The following STK3 variants were observed in gnomAD, a reference collection of about 807,000 sequenced individuals.
The protein encoded by STK3 is serine/threonine kinase 3.
STK3 carries 41 observed loss-of-function variants against 58.0 expected under a neutral mutation model. The ratio of observed to expected loss-of-function variants is 0.71; its 90% CI spans 0.55 to 0.92. The LOEUF is 0.92. Among genes scored for constraint, STK3 ranks in the 40% least tolerant of loss-of-function variants. The pLI is 0.00. For missense variants in STK3, 479 were observed against 602.7 expected (o/e 0.79, Z 2.15); for synonymous variants, 170 against 191.0 (o/e 0.89, Z 0.91).
rs921308691 is a variant in STK3 at position 98,667,640 on chromosome 8, A to C, written c.684+38827T>G. On this transcript the variant is annotated intron_variant, in intron 6 of 10. Transcript: ENST00000419617. ...AAAAGGCAAGTCAAAATAAGAAAAG[A>C]GAGCAAGTATAGACTCTGATAGTCT... Among the ~76,000 whole-genome samples, 91 of 152,278 alleles carry C rather than the reference A, an allele frequency of 6.0e-4. 1 individual carries two copies. The highest frequency in any genetic ancestry group is 2.0e-3 in the African/African-American group (85 of 41,590).
chr8:98,673,006 T>C (rs1271374431), intron 6 of STK3, among the ~76,000 whole-genome samples: 1 of 152,182 alleles, frequency 6.6e-6, no homozygotes, highest in Non-Finnish European at 1.5e-5. Context: ...TTTACTGACT[T>C]TGAGTGGTAT....
chr8:98,688,264 T>G (rs1025050118), intron 6 of STK3, among the ~76,000 whole-genome samples: 20 of 152,152 alleles, frequency 1.3e-4, no homozygotes, highest in African/African-American at 4.6e-4. Context: ...GCACCCAGAT[T>G]TATGAAAACA....
At chr8:98,672,858 CG>C (rs1822929368) in intron 6 of STK3, among the ~76,000 whole-genome samples, 1 of 152,010 alleles carries the variant, frequency 6.6e-6, no homozygotes, top group Non-Finnish European at 1.5e-5. Flanking sequence ...TAGTGGAGGT[CG>C]GGGGCAGTCA....
At chr8:98,406,814 G>C (rs891917267) in intron 3 of STK3, among the ~76,000 whole-genome samples, 1 of 152,166 alleles carries the variant, frequency 6.6e-6, no homozygotes, top group African/African-American at 2.4e-5. Flanking sequence ...CTGATGAGAT[G>C]TAAGATATTT....
At chr8:98,829,928 T>A (rs1835463193), upstream of STK3, among the ~76,000 whole-genome samples, 1 of 152,106 alleles carries the variant, frequency 6.6e-6, no homozygotes, top group Admixed American at 6.6e-5. Flanking sequence ...AAAGGGAATA[T>A]AAAGTGGAGG....
downstream of STK3, among the ~76,000 whole-genome samples, chr8:98,450,662 C>T (rs1819157675): frequency 6.6e-6 from 1 of 152,122 alleles, no homozygotes. Flanking sequence ...GGCACAAGAA[C>T]GCCACGTATA....
At chr8:98,646,665 G>A (rs1820418380) in intron 6 of STK3, among the ~76,000 whole-genome samples, 1 of 152,044 alleles carries the variant, frequency 6.6e-6, no homozygotes, top group Admixed American at 6.6e-5. Context: ...CCTCTCAATT[G>A]TTCTGTCACT....
At chr8:98,639,863 C>A (rs375327981) in intron 6 of STK3, among the ~76,000 whole-genome samples, 1 of 152,184 alleles carries the variant, frequency 6.6e-6, no homozygotes. Flanking sequence ...GTAATCCCAG[C>A]ACTTTGGAAG....
At chr8:98,408,890 T>C (rs1365945968) in intron 3 of STK3, among the ~76,000 whole-genome samples, 2 of 152,242 alleles carry the variant, frequency 1.3e-5, no homozygotes, top group African/African-American at 4.8e-5. Flanking sequence ...TGAATTCAGA[T>C]ACTCTATCCT....
chr8:98,434,773 C>CAGTG (rs1389896361), intron 2 of STK3, among the ~76,000 whole-genome samples: 2 of 149,400 alleles, frequency 1.3e-5, no homozygotes, highest in Non-Finnish European at 3.0e-5. Context: ...ACAGAAGGAA[C>CAGTG]AGTGGATAAA....
chr8:98,659,711 T>A (rs915499099), intron 6 of STK3, among the ~76,000 whole-genome samples: 5 of 151,942 alleles, frequency 3.3e-5, no homozygotes, highest in African/African-American at 1.2e-4. Flanking sequence ...ACACTTCCAA[T>A]CAATTAAATA....
intron 10 of STK3, among the ~76,000 whole-genome samples, chr8:98,460,325 G>C (rs1819851701): frequency 6.6e-6 from 1 of 152,218 alleles, no homozygotes; most frequent in Non-Finnish European, 1.5e-5. Context: ...TTTGGAATAA[G>C]AGCATTTATC....
chr8:98,439,815 G>A (rs917194782), intron 1 of STK3, among the ~76,000 whole-genome samples: 1 of 152,172 alleles, frequency 6.6e-6, no homozygotes, highest in African/African-American at 2.4e-5. Flanking sequence ...GCACAATGAA[G>A]TCTGCATACC....
At chr8:98,842,317 G>A (rs1372915589) in intron 3 of STK3, among the ~76,000 whole-genome samples, 1 of 152,132 alleles carries the variant, frequency 6.6e-6, no homozygotes, top group Non-Finnish European at 1.5e-5. Flanking sequence ...TACATAAAAA[G>A]AGCCAATGAG....
At chr8:98,744,115 A>C (rs1829462234) in intron 4 of STK3, among the ~76,000 whole-genome samples, 1 of 152,092 alleles carries the variant, frequency 6.6e-6, no homozygotes, top group Non-Finnish European at 1.5e-5. Context: ...AAATAGGAAC[A>C]CTTTTACACT....
chr8:98,581,719 C>CACT (rs757904622), intron 7 of STK3, among the ~76,000 whole-genome samples: 13 of 151,792 alleles, frequency 8.6e-5, no homozygotes, highest in Non-Finnish European at 1.6e-4. Context: ...TTGGCTTCTC[C>CACT]ACTACCCAGT....
At chr8:98,937,302 T>C (rs943866989) in intron 1 of STK3, among the ~76,000 whole-genome samples, 2 of 152,182 alleles carry the variant, frequency 1.3e-5, no homozygotes, top group Middle Eastern at 3.2e-3. Context: ...GAAGCTACAG[T>C]GGAATTATCA....
chr8:98,854,018 C>A (rs1276482952), intron 3 of STK3, among the ~76,000 whole-genome samples: 1 of 152,126 alleles, frequency 6.6e-6, no homozygotes, highest in South Asian at 2.1e-4. Flanking sequence ...ATCAAAATCA[C>A]ACCAACATAC....
intron 1 of STK3, among the ~76,000 whole-genome samples, chr8:98,813,449 CA>C (rs1834353001): frequency 6.6e-6 from 1 of 152,112 alleles, no homozygotes; most frequent in Admixed American, 6.6e-5. Flanking sequence ...GACCTGAAAC[CA>C]CCTAAGAAAA....
Sources: gnomAD v4.1 joint callset for allele counts (sites outside exome capture counted in the v4.1 genomes callset) on GRCh38, gnomAD v4.1.1 for gene constraint, MANE v1.5 for transcripts, NCBI Gene and HGNC (gene_info 2026-07-23, HGNC 2026-07-21) for gene names.